The following TAS2R1 variants were observed in gnomAD, a reference collection of about 807,000 sequenced individuals.
TAS2R1 encodes taste receptor type 2 member 1.
For synonymous variants in TAS2R1, 141 were observed against 134.2 expected (o/e 1.05, Z -0.35); for missense variants, 370 against 353.4 (o/e 1.05, Z -0.38).
chr5:9,743,869 A>T, the TAS2R1 span, among the ~76,000 whole-genome samples: 8 of 152,212 alleles, frequency 5.3e-5, no homozygotes, highest in African/African-American at 1.9e-4. Context: ...AATGATTTTT[A>T]AAAACACAAT....
At chr5:9,814,306 GA>G in the TAS2R1 span, among the ~76,000 whole-genome samples, 10,296 of 145,080 alleles carry the variant, frequency 0.071, 356 homozygotes, top group Middle Eastern at 0.12. Flanking sequence ...AATGGAAAGT[GA>G]AAAAAAAAAA....
the TAS2R1 span, among the ~76,000 whole-genome samples, chr5:9,738,337 A>G: frequency 6.6e-6 from 1 of 152,146 alleles, no homozygotes; most frequent in African/African-American, 2.4e-5. Flanking sequence ...GGACTGTGAG[A>G]GGTAAAATTT....
the TAS2R1 span, among the ~76,000 whole-genome samples, chr5:9,808,732 A>G: frequency 4.5e-4 from 69 of 152,282 alleles, no homozygotes; most frequent in Middle Eastern, 6.8e-3. Flanking sequence ...GATGATAGGG[A>G]AGATGATTCA....
chr5:9,840,873 T>A, the TAS2R1 span, among the ~76,000 whole-genome samples: 549 of 6,250 alleles, frequency 0.088, 32 homozygotes, highest in South Asian at 0.17. Flanking sequence ...TTTTTTTTTT[T>A]TTTTTTTTTT....
At chr5:9,707,615 A>G (rs1741643757) in intron 1 of TAS2R1, among the ~76,000 whole-genome samples, 1 of 152,150 alleles carries the variant, frequency 6.6e-6, no homozygotes, top group Non-Finnish European at 1.5e-5. Context: ...CCCGGGAAGC[A>G]GAGGTTGCAG....
the TAS2R1 span, among the ~76,000 whole-genome samples, chr5:9,802,014 A>T: frequency 1.1e-4 from 16 of 152,150 alleles, no homozygotes; most frequent in Non-Finnish European, 2.2e-4. Context: ...CTGCCTGAGA[A>T]ACCTGAATAC....
the TAS2R1 span, among the ~76,000 whole-genome samples, chr5:9,734,147 G>A: frequency 6.6e-6 from 1 of 152,140 alleles, no homozygotes; most frequent in East Asian, 1.9e-4. Flanking sequence ...TGCTATGTGA[G>A]GACACCATGA....
intron 1 of TAS2R1, among the ~76,000 whole-genome samples, chr5:9,678,593 A>G (rs530300077): frequency 6.6e-6 from 1 of 152,348 alleles, no homozygotes; most frequent in East Asian, 1.9e-4. Flanking sequence ...ATGGAATATT[A>G]TGCAATCATA....
At chr5:9,855,188 C>T in the TAS2R1 span, among the ~76,000 whole-genome samples, 1 of 152,170 alleles carries the variant, frequency 6.6e-6, no homozygotes, top group East Asian at 1.9e-4. Flanking sequence ...ACATAGGAAA[C>T]TTGTTTACAC....
chr5:9,657,747 G>T (rs114548397), intron 2 of TAS2R1, among the ~76,000 whole-genome samples: 1 of 152,092 alleles, frequency 6.6e-6, no homozygotes, highest in African/African-American at 2.4e-5. Context: ...CGGGGAGTGG[G>T]GAATGGGGAG....
At chr5:9,820,374 A>G in the TAS2R1 span, among the ~76,000 whole-genome samples, 21 of 152,270 alleles carry the variant, frequency 1.4e-4, no homozygotes, top group South Asian at 2.9e-3. Flanking sequence ...AAATTTTCAT[A>G]CCCCAAAGTG....
intron 1 of TAS2R1, among the ~76,000 whole-genome samples, chr5:9,709,851 T>C (rs910050666): frequency 1.3e-5 from 2 of 152,222 alleles, no homozygotes; most frequent in African/African-American, 4.8e-5. Flanking sequence ...TGTGAGATAA[T>C]AAGTGTTTGT....
chr5:9,832,970 TAGA>T, the TAS2R1 span, among the ~76,000 whole-genome samples: 19 of 152,218 alleles, frequency 1.2e-4, no homozygotes, highest in African/African-American at 3.9e-4. Context: ...AATCAATATG[TAGA>T]AGATGTACAT....
chr5:9,758,524 G>GT, the TAS2R1 span, among the ~76,000 whole-genome samples: 1 of 152,144 alleles, frequency 6.6e-6, no homozygotes, highest in Non-Finnish European at 1.5e-5. Flanking sequence ...ACAAAGAACT[G>GT]TGTCTCTCAC....
chr5:9,785,472 T>C, the TAS2R1 span, among the ~76,000 whole-genome samples: 3 of 152,214 alleles, frequency 2.0e-5, no homozygotes, highest in Admixed American at 6.5e-5. Flanking sequence ...TAACAGTGAT[T>C]ATCTTAAGAC....
chr5:9,731,074 C>T, the TAS2R1 span, among the ~76,000 whole-genome samples: 1 of 152,106 alleles, frequency 6.6e-6, no homozygotes, highest in Non-Finnish European at 1.5e-5. Flanking sequence ...CCGCTGTCCC[C>T]CATGAGTGTG....
the TAS2R1 span, among the ~76,000 whole-genome samples, chr5:9,897,520 C>A: frequency 6.6e-6 from 1 of 152,186 alleles, no homozygotes; most frequent in East Asian, 1.9e-4. Context: ...TAACAATCCA[C>A]TACTGTGTGT....
intron 1 of TAS2R1, among the ~76,000 whole-genome samples, chr5:9,689,868 A>T (rs766209714): frequency 6.6e-5 from 10 of 152,190 alleles, no homozygotes; most frequent in Non-Finnish European, 1.3e-4. Flanking sequence ...TCAGTAGTTC[A>T]CATATCCTCG....
the TAS2R1 span, among the ~76,000 whole-genome samples, chr5:9,791,559 C>T: frequency 1.3e-5 from 2 of 152,110 alleles, no homozygotes; most frequent in African/African-American, 4.8e-5. Flanking sequence ...ATTGGCCAGG[C>T]ATCATGGCGC....
Sources: allele counts gnomAD v4.1 joint callset (sites outside exome capture counted in the v4.1 genomes callset), GRCh38; gene constraint gnomAD v4.1.1; transcripts MANE v1.5; gene names NCBI Gene and HGNC (gene_info 2026-07-23, HGNC 2026-07-21).